The following DYSF variants were observed in gnomAD, a reference collection of about 807,000 sequenced individuals.
DYSF encodes the protein dysferlin.
DYSF carries 212 observed loss-of-function variants against 274.9 expected under a neutral mutation model. The ratio of observed to expected loss-of-function variants is 0.77; its 90% CI spans 0.69 to 0.86. The LOEUF (loss-of-function observed/expected upper bound fraction) is 0.86, where lower values mean the gene tolerates loss of function less well. Among genes scored for constraint, DYSF ranks in the 40% least tolerant of loss-of-function variants. DYSF has a pLI of 0.00. For missense variants in DYSF, 2,666 were observed against 2,783.2 expected (o/e 0.96, Z 0.95); for synonymous variants, 1,091 against 1,078.7 (o/e 1.01, Z -0.22).
rs753354700 is a variant in DYSF, at chr2:71,607,658, C to G, written c.3958-3587C>G. Among the ~76,000 whole-genome samples, 2 of 151,872 alleles carry G rather than the reference C, an allele frequency of 1.3e-5. 1 individual carries two copies. Among genetic ancestry groups the G allele is most frequent in the South Asian group, 4.2e-4 (2 of 4,804 alleles). On this transcript the variant is annotated intron_variant, in intron 36 of 55. Coordinates refer to ENST00000410020, the MANE Select transcript of DYSF (RefSeq NM_001130987.2). ...TGAGCAAAGGAGATGGGTGGGCGGGCGTGAGAGATGTTCAGGAGACAGGAT... is the reference window on the plus strand; with the variant it reads ...TGAGCAAAGGAGATGGGTGGGCGGGGGTGAGAGATGTTCAGGAGACAGGAT...
At chr2:71,600,668 G>A in intron 33 of DYSF, 34 bp from the exon 34 acceptor site, 1 of 1,613,826 alleles carries the variant, frequency 6.2e-7, no homozygotes, top group Non-Finnish European at 8.5e-7. Flanking sequence ...CTGGGTAAGG[G>A]ATGCTGATTC....
rs2152943143 is a variant in DYSF at position 71,660,543 on chromosome 2, T to G, written c.4912-17T>G. The G allele has an allele frequency of 6.2e-7, 1 of 1,609,532 alleles. No individual in the cohort carries two copies. Among genetic ancestry groups the G allele is most frequent in the East Asian group, 2.2e-5 (1 of 44,836 alleles). ...TTGGAAAGTGTTTTCACAGAAGTGT[T>G]TTGTCTCCTCCTCCAGTGTGATCCT... On this transcript the variant is annotated splice_polypyrimidine_tract_variant and intron_variant, in intron 44 of 55. Coordinates refer to ENST00000410020, the MANE Select transcript of DYSF (RefSeq NM_001130987.2).
intron 53 of DYSF, among the ~76,000 whole-genome samples, chr2:71,680,763 A>C (rs1262975339): frequency 1.3e-5 from 2 of 152,268 alleles, no homozygotes. Context: ...TGATGCATGC[A>C]AATGTTAACA....
chr2:71,671,472 G>A (rs570029344), intron 51 of DYSF, among the ~76,000 whole-genome samples: 9 of 152,270 alleles, frequency 5.9e-5, no homozygotes, highest in Non-Finnish European at 1.0e-4. Context: ...GGCACCCCCA[G>A]GGCTCACCTA....
chr2:71,501,205 T>C (rs141883650), intron 3 of DYSF, among the ~76,000 whole-genome samples: 3 of 152,128 alleles, frequency 2.0e-5, no homozygotes, highest in East Asian at 1.9e-4. Context: ...AAACCCTGGA[T>C]TGAATATTAG....
Position 71,620,538 on chromosome 2 carries a change from C to A in DYSF, c.4465-9C>A. 1 of 1,551,734 alleles carries A rather than the reference C, an allele frequency of 6.4e-7. No individual in the cohort carries two copies. Among genetic ancestry groups the A allele is most frequent in the Non-Finnish European group, 8.7e-7 (1 of 1,147,002 alleles). ...AATCCTGTTGCTAACCAGCATGTTT[C>A]ATTTGTAGCTTGCAGACGGTCTGTC... is the stretch of plus-strand genomic sequence containing the variant. On this transcript the variant is annotated splice_polypyrimidine_tract_variant and intron_variant, in intron 40 of 55. Transcript: ENST00000410020.
At chr2:71,506,843 G>A (rs1322699413) in intron 4 of DYSF, among the ~76,000 whole-genome samples, 2 of 152,028 alleles carry the variant, frequency 1.3e-5, no homozygotes, top group Non-Finnish European at 2.9e-5. Flanking sequence ...TCTAGACCCT[G>A]AGCTCCAGAG....
At chr2:71,566,956 C>T (rs1055725259) in intron 24 of DYSF, among the ~76,000 whole-genome samples, 4 of 152,210 alleles carry the variant, frequency 2.6e-5, no homozygotes, top group Non-Finnish European at 5.9e-5. Flanking sequence ...CAGCGTGGGA[C>T]CCCTTACCTC....
At chr2:71,562,898 A>C (rs954493273) in intron 23 of DYSF, among the ~76,000 whole-genome samples, 1 of 152,166 alleles carries the variant, frequency 6.6e-6, no homozygotes, top group Non-Finnish European at 1.5e-5. Flanking sequence ...CTGTAATCTC[A>C]GCCCAGACTG....
rs543524510 is a variant in DYSF, at chr2:71,590,135, C to G, written c.3497-76C>G. ...CTGCTGCCCTTTCTAGGGACAGACT[C>G]CACCTCCCCCCGAGCCCCAGCTCTT... is the stretch of plus-strand genomic sequence containing the variant. On this transcript the variant is annotated intron_variant, in intron 31 of 55. Coordinates refer to ENST00000410020, the MANE Select transcript of DYSF (RefSeq NM_001130987.2). The G allele has an allele frequency of 4.6e-4, 676 of 1,460,594 alleles. 6 individuals carry two copies. The highest frequency in any genetic ancestry group is 2.7e-3 in the South Asian group (238 of 87,396). 90.5% of individuals were successfully genotyped at this position (1,460,594 alleles called of 1,614,324 possible). A position where few individuals can be genotyped will look rare whatever the true frequency, so the allele number is the denominator to read the frequency against.
chr2:71,613,438 T>TGGGTCAC, intron 40 of DYSF, 28 bp downstream of exon 40: 1 of 1,587,300 alleles, frequency 6.3e-7, no homozygotes, highest in Non-Finnish European at 8.6e-7. Context: ...CAGGGAGGCC[T>TGGGTCAC]GGGTCACCTT....
At position 71,553,079 on chromosome 2, in the gene DYSF, G is replaced by A. The variant is rs766588008; in HGVS notation, c.1875G>A (p.Val625=). The part of the protein sequence containing the change: ...AFYSATMLQD[V]DDAIQFEVSI... Reference sequence around the variant, plus strand: ...ACTCAGCCACCATGCTGCAGGATGTGGATGATGCCATCCAGTTTGAGGTCA... The same window carrying A: ...ACTCAGCCACCATGCTGCAGGATGTAGATGATGCCATCCAGTTTGAGGTCA... Residue 625 remains valine, a synonymous_variant, in exon 20 of 56, where the codon GTG becomes GTA. Transcript: ENST00000410020. 2.5e-6 allele frequency: 4 copies of A among 1,614,190 alleles called. No individual in the cohort carries two copies. Among genetic ancestry groups the A allele is most frequent in the African/African-American group, 1.3e-5 (1 of 75,040 alleles).
chr2:71,685,047 C>T (rs2095339715), intron 55 of DYSF, among the ~76,000 whole-genome samples: 1 of 152,240 alleles, frequency 6.6e-6, no homozygotes, highest in Non-Finnish European at 1.5e-5. Flanking sequence ...GCCAGCTGCA[C>T]CCTGCACTGC....
At chr2:71,578,230 C>T (rs960118033) in intron 30 of DYSF, among the ~76,000 whole-genome samples, 6 of 152,116 alleles carry the variant, frequency 3.9e-5, no homozygotes, top group Admixed American at 6.5e-5. Flanking sequence ...GGGGCCATCT[C>T]GGAGTAGCAC....
chr2:71,653,875 TATAAA>T (rs1558736064), intron 42 of DYSF, among the ~76,000 whole-genome samples: 3 of 150,692 alleles, frequency 2.0e-5, no homozygotes, highest in Admixed American at 6.6e-5. Flanking sequence ...AAATTGTAAA[TATAAA>T]CATAAGATAA....
chr2:71,563,664 C>T (rs552184607), intron 23 of DYSF, among the ~76,000 whole-genome samples: 7 of 152,246 alleles, frequency 4.6e-5, no homozygotes, highest in South Asian at 4.2e-4. Flanking sequence ...GTGTCCTAGG[C>T]GTAATGTTAC....
chr2:71,611,193 G>A, intron 36 of DYSF, 52 bp from the exon 37 acceptor site: 2 of 1,334,524 alleles, frequency 1.5e-6, no homozygotes, highest in Non-Finnish European at 2.2e-6. Context: ...TTGTCTTTTT[G>A]CCTTGGTCTT....
At chr2:71,673,230 C>T (rs969538678) in intron 51 of DYSF, among the ~76,000 whole-genome samples, 1 of 152,198 alleles carries the variant, frequency 6.6e-6, no homozygotes, top group Non-Finnish European at 1.5e-5. Flanking sequence ...CAAGACTGCG[C>T]TGGAAAGCCC....
intron 4 of DYSF, among the ~76,000 whole-genome samples, chr2:71,504,309 G>C (rs148690588): frequency 1.1e-3 from 172 of 152,252 alleles, no homozygotes; most frequent in African/African-American, 4.1e-3. Context: ...CTCGGTGCTG[G>C]ACTTTGCTCC....
Sources: gnomAD v4.1 joint callset for allele counts (sites outside exome capture counted in the v4.1 genomes callset) on GRCh38, gnomAD v4.1.1 for gene constraint, MANE v1.5 for transcripts, NCBI Gene and HGNC (gene_info 2026-07-23, HGNC 2026-07-21) for gene names.